S100A11: variants seen among roughly 807,000 people sequenced by gnomAD.
The protein encoded by S100A11 is protein S100-A11.
S100A11 carries 5 observed loss-of-function variants against 7.4 expected under a neutral mutation model. The observed-to-expected ratio is 0.68, with a 90% CI of 0.35 to 1.42. The LOEUF (loss-of-function observed/expected upper bound fraction) is 1.42, where lower values mean the gene tolerates loss of function less well. Among genes scored for constraint, S100A11 ranks in the 40% most tolerant of loss-of-function variants. The pLI is 0.04. For missense variants in S100A11, 96 were observed against 125.0 expected, an observed-to-expected ratio of 0.77 and a Z score of 1.11; for synonymous variants, 47 against 46.6, an observed-to-expected ratio of 1.01 and a Z score of -0.04.
intron 1 of S100A11, among the ~76,000 whole-genome samples, chr1:152,034,759 G>C (rs1291449288): frequency 6.6e-6 from 1 of 152,214 alleles, no homozygotes; most frequent in Non-Finnish European, 1.5e-5. Context: ...GACTTTCTGG[G>C]AAACCGGCCT....
rs1035750286 is a variant in S100A11 at position 152,036,766 on chromosome 1, G to C, written c.3+147C>G. 6.9e-6 allele frequency: 5 copies of C among 723,792 alleles called. No homozygotes were observed. In the African/African-American group the frequency reaches 7.1e-5, roughly 10 times the overall value. 44.8% of individuals were successfully genotyped at this position (723,792 alleles called of 1,614,324 possible). A position where few individuals can be genotyped will look rare whatever the true frequency, so the allele number is the denominator to read the frequency against. ...TCATCCTTCCATCCCTTCTTCCCCA[G>C]TTCCCTCCCACGAGGCTGATTTTTC... On this transcript the variant is annotated intron_variant, in intron 1 of 2. Coordinates refer to ENST00000271638, the MANE Select transcript of S100A11 (RefSeq NM_005620.2).
rs1656766390 is a variant in S100A11, at chr1:152,032,809, AG to A, written c.170del (p.Pro57LeufsTer7). 6.2e-7 allele frequency: 1 copy of A among 1,610,088 alleles called. No individual in the cohort carries two copies. Among genetic ancestry groups the A allele is most frequent in the African/African-American group, 1.3e-5 (1 of 74,954 alleles). On this transcript the variant is annotated frameshift_variant, in exon 3 of 3. Coordinates refer to ENST00000271638, the MANE Select transcript of S100A11 (RefSeq NM_005620.2). LOFTEE classifies it high-confidence loss of function. ...LAAFTKNQKD[P>X]GVLDRMMKKL... is the part of the protein sequence containing the mutation. ...TCTTCATCATGCGGTCAAGGACACC[AG>A]GGTCCTTCTGGTTCTGCAGAGAAAA...
rs997358127 is a variant in S100A11 at position 152,032,690 on chromosome 1, T to C, written c.290A>G (p.Lys97Arg). Reference sequence around the variant, plus strand: ...GGTCCGCTTCTGGGAAGGGACAGCCTTGAGGAAGGAGTCATGGCAAGCCAT... The same window carrying C: ...GGTCCGCTTCTGGGAAGGGACAGCCCTGAGGAAGGAGTCATGGCAAGCCAT... ...LAMACHDSFLKAVPSQKRT is the reference protein window; with the variant it reads ...LAMACHDSFLRAVPSQKRT Residue 97 changes from lysine to arginine, a missense_variant, in exon 3 of 3, where the codon AAG (lysine) becomes AGG (arginine). Physicochemically the swap from Lys to Arg is conservative, Grantham distance 26. Transcript: ENST00000271638. 2.5e-6 allele frequency: 4 copies of C among 1,613,494 alleles called. No individual in the cohort carries two copies. Among genetic ancestry groups the C allele is most frequent in the East Asian group, 2.2e-5 (1 of 44,872 alleles).
intron 1 of S100A11, among the ~76,000 whole-genome samples, chr1:152,034,392 A>T (rs1208611841): frequency 1.3e-5 from 2 of 152,260 alleles, no homozygotes; most frequent in African/African-American, 4.8e-5. Flanking sequence ...TTAATCTTAG[A>T]TGTGAGGAAA....
Position 152,032,550 on chromosome 1 carries a change from TG to T in S100A11, c.*111del. On this transcript the variant is annotated 3_prime_UTR_variant, in exon 3 of 3. Transcript: ENST00000271638. ...ACATTGCTTTATTACTATTGGCAGG[TG>T]GGGCCTGCATGAGGTGGTTAGTGTG... is the stretch of plus-strand genomic sequence containing the variant. The T allele has an allele frequency of 1.2e-6, 1 of 828,202 alleles. No homozygotes were observed. The highest frequency in any genetic ancestry group is 1.9e-6 in the Non-Finnish European group (1 of 537,238). The allele number at this position is 828,202 out of a possible 1,614,324, so 51.3% of individuals were successfully genotyped here.
chr1:152,035,427 C>CT (rs1436012031), intron 1 of S100A11, among the ~76,000 whole-genome samples: 1 of 152,188 alleles, frequency 6.6e-6, no homozygotes, highest in Non-Finnish European at 1.5e-5. Flanking sequence ...TGCCTTTCTG[C>CT]TTCACATTTT....
At chr1:152,034,083 G>A (rs1223811553) in intron 1 of S100A11, among the ~76,000 whole-genome samples, 1 of 152,198 alleles carries the variant, frequency 6.6e-6, no homozygotes, top group Non-Finnish European at 1.5e-5. Flanking sequence ...GAGAGTGACG[G>A]TGACAAGGTT....
chr1:152,036,077 TG>T (rs956049926), intron 1 of S100A11, among the ~76,000 whole-genome samples: 4 of 152,354 alleles, frequency 2.6e-5, no homozygotes. Context: ...TTTCTTCTTT[TG>T]ATTTCTTTCA....
chr1:152,036,805 C>G, intron 1 of S100A11, 108 bp downstream of exon 1: 1 of 992,334 alleles, frequency 1.0e-6, no homozygotes, highest in Non-Finnish European at 1.6e-6. Context: ...CTGTTTCCTG[C>G]CACGTCCACA....
chr1:152,032,546 C>T lies in S100A11; in HGVS notation c.*116G>A, dbSNP rs931672445. The T allele has an allele frequency of 3.8e-6, 3 of 797,386 alleles. No individual in the cohort carries two copies. Among genetic ancestry groups the T allele is most frequent in the African/African-American group, 3.4e-5 (2 of 58,780 alleles). 49.4% of individuals were successfully genotyped at this position (797,386 alleles called of 1,614,324 possible). On this transcript the variant is annotated 3_prime_UTR_variant, in exon 3 of 3. Coordinates refer to ENST00000271638, the MANE Select transcript of S100A11 (RefSeq NM_005620.2). ...AGTGACATTGCTTTATTACTATTGG[C>T]AGGTGGGGCCTGCATGAGGTGGTTA...
intron 2 of S100A11, 75 bp from the exon 3 acceptor site, chr1:152,032,898 T>A: frequency 2.6e-6 from 3 of 1,134,136 alleles, no homozygotes; most frequent in Non-Finnish European, 3.9e-6. Flanking sequence ...CACATTTTAT[T>A]CTCACAGGAG....
rs1298612010 is a variant in S100A11 at position 152,033,606 on chromosome 1, T to C, written c.156+42A>G. On this transcript the variant is annotated intron_variant, in intron 2 of 2. Transcript: ENST00000271638. The surrounding 1 kb of genome is among the most constrained non-coding windows in gnomAD (Gnocchi z 4.0). ...CATTCTGCCAGGGTCTTGTTTCATG[T>C]TGTGGGTAGTTTGGGGAAGTGGGGG... The C allele has an allele frequency of 6.3e-7, 1 of 1,593,882 alleles. No homozygotes were observed. The highest frequency in any genetic ancestry group is 8.6e-7 in the Non-Finnish European group (1 of 1,164,028).
intron 1 of S100A11, among the ~76,000 whole-genome samples, chr1:152,036,321 G>T (rs150522849): frequency 3.9e-5 from 6 of 152,156 alleles, no homozygotes; most frequent in Non-Finnish European, 7.3e-5. Flanking sequence ...GAGGAAGGAG[G>T]AGAGGGCTCA....
At chr1:152,036,782 C>A (rs1656842549) in intron 1 of S100A11, 131 bp downstream of exon 1, 3 of 812,614 alleles carry the variant, frequency 3.7e-6, no homozygotes, top group East Asian at 2.5e-5. Flanking sequence ...TCCCACGAGG[C>A]TGATTTTTCC....
At chr1:152,035,679 C>T (rs1276375746) in intron 1 of S100A11, among the ~76,000 whole-genome samples, 1 of 152,184 alleles carries the variant, frequency 6.6e-6, no homozygotes, top group Non-Finnish European at 1.5e-5. Flanking sequence ...GAAAGCTCTG[C>T]CCAGGGTGGC....
At chr1:152,034,403 C>T (rs968564449) in intron 1 of S100A11, among the ~76,000 whole-genome samples, 5 of 152,212 alleles carry the variant, frequency 3.3e-5, no homozygotes, top group South Asian at 2.1e-4. Flanking sequence ...TGTGAGGAAA[C>T]GGACAGGAGA....
At position 152,032,631 on chromosome 1, in the gene S100A11, G is replaced by A. The variant is rs1041581645; in HGVS notation, c.*31C>T. The A allele has an allele frequency of 6.3e-7, 1 of 1,587,144 alleles. No homozygotes were observed. Among genetic ancestry groups the A allele is most frequent in the African/African-American group, 1.3e-5 (1 of 74,422 alleles). On this transcript the variant is annotated 3_prime_UTR_variant, in exon 3 of 3. Transcript: ENST00000271638. Reference sequence around the variant, plus strand: ...TGACAGAAAGGCTGGAAGGAAAGGGGGTGGGTTTGAAGGCCAGGGCCAAGG... The same window carrying A: ...TGACAGAAAGGCTGGAAGGAAAGGGAGTGGGTTTGAAGGCCAGGGCCAAGG...
chr1:152,034,130 G>C (rs1324955404), intron 1 of S100A11, among the ~76,000 whole-genome samples: 2 of 152,226 alleles, frequency 1.3e-5, no homozygotes, highest in Non-Finnish European at 2.9e-5. Context: ...AAATACATGT[G>C]TAACTCTATA....
At position 152,036,620 on chromosome 1, in the gene S100A11, C is replaced by CCCCA. The variant is rs532594749; in HGVS notation, c.3+292_3+293insTGGG. On this transcript the variant is annotated intron_variant, in intron 1 of 2. Coordinates refer to ENST00000271638, the MANE Select transcript of S100A11 (RefSeq NM_005620.2). ...AGGCAGTGACCCACGACGGGTCCCCCCCCCGCGCGGTGAGCGGCCAGCACT... is the reference window on the plus strand; with the variant it reads ...AGGCAGTGACCCACGACGGGTCCCCCCCCACCCCGCGCGGTGAGCGGCCAGCACT... 3.2e-3 allele frequency among the ~76,000 whole-genome samples: 494 copies of CCCCA among 152,176 alleles called. 8 individuals are homozygous for CCCCA. Among genetic ancestry groups the CCCCA allele is most frequent in the African/African-American group, 0.01 (419 of 41,494 alleles).
Sources: gnomAD v4.1 joint callset for allele counts (sites outside exome capture counted in the v4.1 genomes callset) on GRCh38, gnomAD v4.1.1 for gene constraint, Gnocchi (gnomAD v3.1) non-coding constraint, MANE v1.5 for transcripts, NCBI Gene and HGNC (gene_info 2026-07-23, HGNC 2026-07-21) for gene names.